The following ITGA9 variants were observed in gnomAD, a reference collection of about 807,000 sequenced individuals.
ITGA9 encodes the protein integrin subunit alpha 9.
In ITGA9, 56 loss-of-function variants were observed where a neutral mutation model predicts 127.8. That is an observed-to-expected ratio of 0.44 (90% confidence interval 0.35 to 0.55). The LOEUF is 0.55. ITGA9 is among the 20% of genes least tolerant of loss of function. The probability of loss-of-function intolerance (pLI) is 0.00; values close to 1 mark genes in which losing one functional copy is unlikely to be tolerated. For missense variants in ITGA9, 1,196 were observed against 1,347.1 expected (o/e 0.89, Z 1.76); for synonymous variants, 508 against 514.5 (o/e 0.99, Z 0.17).
At chr3:37,469,548 C>G (rs963854437) in intron 1 of ITGA9, among the ~76,000 whole-genome samples, 1 of 152,162 alleles carries the variant, frequency 6.6e-6, no homozygotes, top group Admixed American at 6.5e-5. Flanking sequence ...ACAACATTAT[C>G]CGCACCCCCA....
At chr3:37,665,470 G>A (rs1354656042) in intron 17 of ITGA9, among the ~76,000 whole-genome samples, 2 of 150,582 alleles carry the variant, frequency 1.3e-5, no homozygotes, top group East Asian at 2.0e-4. Flanking sequence ...TTTTTTTTCC[G>A]AAAAAGTCTC....
At chr3:37,679,850 T>G (rs1700718255) in intron 17 of ITGA9, among the ~76,000 whole-genome samples, 1 of 152,028 alleles carries the variant, frequency 6.6e-6, no homozygotes, top group Non-Finnish European at 1.5e-5. Flanking sequence ...CAGAGAAGGG[T>G]CCTACCCCTG....
intron 15 of ITGA9, among the ~76,000 whole-genome samples, chr3:37,570,746 A>G (rs1699592057): frequency 1.3e-5 from 2 of 152,332 alleles, no homozygotes; most frequent in Non-Finnish European, 2.9e-5. Context: ...GGATAGAATA[A>G]CTGCAGGGAG....
At chr3:37,782,807 TAAC>T (rs1224437671) in intron 25 of ITGA9, among the ~76,000 whole-genome samples, 5 of 152,234 alleles carry the variant, frequency 3.3e-5, no homozygotes, top group Non-Finnish European at 4.4e-5. Flanking sequence ...GTTTTGACCT[TAAC>T]AAGTTTTCAT....
rs183546904 is a variant in ITGA9 at position 37,819,347 on chromosome 3, C to T, written c.*358C>T. ...CTGATTATGTCTTTTATATTTGTAT[C>T]GATGTTTTATTATTTCTATTAAATA... On this transcript the variant is annotated 3_prime_UTR_variant, in exon 28 of 28. Transcript: ENST00000264741. The T allele has an allele frequency of 1.6e-4, 34 of 215,614 alleles. No homozygotes were observed. Among genetic ancestry groups the T allele is most frequent in the Non-Finnish European group, 2.6e-4 (28 of 106,590 alleles). 13.4% of individuals were successfully genotyped at this position (215,614 alleles called of 1,614,324 possible). A position where few individuals can be genotyped will look rare whatever the true frequency, so the allele number is the denominator to read the frequency against.
intron 18 of ITGA9, among the ~76,000 whole-genome samples, chr3:37,695,467 T>A (rs1011640953): frequency 6.6e-6 from 1 of 152,244 alleles, no homozygotes; most frequent in African/African-American, 2.4e-5. Context: ...CTGTGTCAGT[T>A]GCACATGGGA....
At chr3:37,520,520 A>G (rs1023020866) in intron 11 of ITGA9, among the ~76,000 whole-genome samples, 1 of 152,082 alleles carries the variant, frequency 6.6e-6, no homozygotes, top group African/African-American at 2.4e-5. Context: ...ACCATCCTCA[A>G]CTCCACATTG....
Position 37,523,572 on chromosome 3 carries a change from A to G in ITGA9, c.1288A>G (p.Ile430Val), listed in dbSNP as rs370568653. The change falls in exon 12 of 28, where the codon ATA (isoleucine) becomes GTA (valine). Residue 430 changes from isoleucine (I) to valine (V), a missense_variant. Physicochemically the swap from Ile to Val is conservative, Grantham distance 29. Transcript: ENST00000264741. ...NPVLRMFGQS[I>V]SGGIDMDGNG... ...AGTGCTCCGGATGTTTGGTCAGTCCATATCGGGAGGCATTGATATGGATGG... is the reference window on the plus strand; with the variant it reads ...AGTGCTCCGGATGTTTGGTCAGTCCGTATCGGGAGGCATTGATATGGATGG... 2.1e-5 allele frequency: 34 copies of G among 1,613,950 alleles called. No homozygotes were observed. The highest frequency in any genetic ancestry group is 1.3e-4 in the African/African-American group (10 of 74,924).
chr3:37,712,206 C>A (rs896055847), intron 18 of ITGA9, among the ~76,000 whole-genome samples: 11 of 152,342 alleles, frequency 7.2e-5, no homozygotes, highest in Middle Eastern at 3.4e-3. Context: ...CTCTGAGCCT[C>A]CCCCAGATGT....
intron 15 of ITGA9, among the ~76,000 whole-genome samples, chr3:37,553,959 G>T (rs920192941): frequency 1.6e-4 from 25 of 152,148 alleles, no homozygotes; most frequent in African/African-American, 6.0e-4. Context: ...GCTGATGTTG[G>T]TTCAGTGACT....
chr3:37,629,202 G>C lies in ITGA9; in HGVS notation c.1705G>C (p.Val569Leu). The change falls in exon 16 of 28, where the codon GTC becomes CTC. Residue 569 changes from valine (V) to leucine (L), a missense_variant. Coordinates refer to ENST00000264741, the MANE Select transcript of ITGA9 (RefSeq NM_002207.3). This position sits in a 1 kb window ranked among gnomAD's most constrained non-coding sequence, Gnocchi z 4.5. The stretch of plus-strand genomic sequence containing the variant: ...ATTGTTTCAGCGGAGGGTGCAGGAC[G>C]TCATCAGCCCGATCGTGTTTGAAGC... Reference protein sequence around the residue: ...VAHVKRRVQDVISPIVFEAAY... With the variant: ...VAHVKRRVQDLISPIVFEAAY... 1 of 1,612,926 alleles carries C rather than the reference G, an allele frequency of 6.2e-7. No individual in the cohort carries two copies. The highest frequency in any genetic ancestry group is 8.5e-7 in the Non-Finnish European group (1 of 1,179,898).
chr3:37,705,848 TA>T (rs1156754166), intron 18 of ITGA9, among the ~76,000 whole-genome samples: 2 of 152,210 alleles, frequency 1.3e-5, no homozygotes, highest in Non-Finnish European at 2.9e-5. Flanking sequence ...CTTTCTAGTA[TA>T]AAAAACTTCC....
chr3:37,741,697 C>T (rs1453018997), intron 20 of ITGA9, 33 bp from the exon 21 acceptor site: 1 of 1,556,086 alleles, frequency 6.4e-7, no homozygotes, highest in Non-Finnish European at 8.8e-7. Context: ...CTAGTGTTGG[C>T]CAGCGTTCAT....
At chr3:37,588,727 C>T (rs1042858089) in intron 15 of ITGA9, among the ~76,000 whole-genome samples, 1 of 152,228 alleles carries the variant, frequency 6.6e-6, no homozygotes, top group Non-Finnish European at 1.5e-5. Flanking sequence ...ACCATTTCTG[C>T]CAAGTCAGAG....
At chr3:37,635,949 A>G (rs1201118007) in intron 16 of ITGA9, among the ~76,000 whole-genome samples, 1 of 151,690 alleles carries the variant, frequency 6.6e-6, no homozygotes, top group Non-Finnish European at 1.5e-5. Flanking sequence ...TGTCCCTACA[A>G]AGGACACGAA....
At chr3:37,669,110 T>G (rs986749925) in intron 17 of ITGA9, among the ~76,000 whole-genome samples, 3 of 152,308 alleles carry the variant, frequency 2.0e-5, no homozygotes, top group Admixed American at 2.0e-4. Context: ...CTTCCCTGAC[T>G]CCATTCCAGG....
At chr3:37,780,874 T>C (rs1218149205) in intron 25 of ITGA9, among the ~76,000 whole-genome samples, 1 of 152,248 alleles carries the variant, frequency 6.6e-6, no homozygotes, top group Non-Finnish European at 1.5e-5. Flanking sequence ...AGTAATAGTC[T>C]GGCTGCCCCT....
At chr3:37,684,695 C>T (rs1450986061) in intron 18 of ITGA9, among the ~76,000 whole-genome samples, 1 of 152,158 alleles carries the variant, frequency 6.6e-6, no homozygotes, top group Non-Finnish European at 1.5e-5. Flanking sequence ...TCTGGAAATC[C>T]TGACCTCAAG....
At chr3:37,563,072 T>G (rs943215462) in intron 15 of ITGA9, among the ~76,000 whole-genome samples, 1 of 152,154 alleles carries the variant, frequency 6.6e-6, no homozygotes, top group Non-Finnish European at 1.5e-5. Context: ...CACTGAATGT[T>G]AGGAGAAGCT....
Sources: allele counts gnomAD v4.1 joint callset (sites outside exome capture counted in the v4.1 genomes callset), GRCh38; gene constraint gnomAD v4.1.1; non-coding constraint Gnocchi (gnomAD v3.1); transcripts MANE v1.5; gene names NCBI Gene and HGNC (gene_info 2026-07-23, HGNC 2026-07-21).